Variants in TMC8 observed in about 807,000 individuals in gnomAD.
The protein encoded by TMC8 is transmembrane channel like 8.
A neutral mutation model predicts 76.0 loss-of-function variants in TMC8; 71 were observed. The observed-to-expected ratio is 0.93, with a 90% confidence interval of 0.77 to 1.14. The LOEUF (loss-of-function observed/expected upper bound fraction) is 1.14, where lower values mean the gene tolerates loss of function less well. Ranked by LOEUF, TMC8 falls within the 50% of genes most tolerant of loss-of-function variation. TMC8 has a pLI of 0.00. For synonymous variants in TMC8, 433 were observed against 433.8 expected, an observed-to-expected ratio of 1.00 and a Z score of 0.02; for missense variants, 924 against 947.9, an observed-to-expected ratio of 0.97 and a Z score of 0.33.
In TMC8 at chr17:78,134,404, A is replaced by G. The variant is rs751943470; in HGVS notation, c.827A>G (p.Glu276Gly). The G allele has an allele frequency of 1.2e-5, 20 of 1,611,612 alleles. No individual in the cohort carries two copies. Among genetic ancestry groups the G allele is most frequent in the Non-Finnish European group, 1.7e-5 (20 of 1,180,004 alleles). The change falls in exon 8 of 16, where the codon GAG (glutamate) becomes GGG (glycine). Residue 276 changes from glutamate (E) to glycine (G), a missense_variant. Glu to Gly is a moderately conservative substitution (Grantham distance 98). Transcript: ENST00000318430. ...EISNEFKVEL[E>G]EGRRFQLMQQ... ...CACCCTTCCGGGCAGGTGGAGCTGGAGGAGGGCCGTCGCTTCCAGCTGATG... is the reference window on the plus strand; with the variant it reads ...CACCCTTCCGGGCAGGTGGAGCTGGGGGAGGGCCGTCGCTTCCAGCTGATG...
Position 78,142,202 on chromosome 17 carries a change from A to G in TMC8, c.*1090A>G, listed in dbSNP as rs972937083. The G allele has an allele frequency of 6.6e-6, 1 of 152,162 alleles. No individual in the cohort carries two copies. The highest frequency in any genetic ancestry group is 1.5e-5 in the Non-Finnish European group (1 of 68,046). 9.4% of individuals were successfully genotyped at this position (152,162 alleles called of 1,614,324 possible). A position where few individuals can be genotyped will look rare whatever the true frequency, so the allele number is the denominator to read the frequency against. Reference sequence around the variant, plus strand: ...GGAGAACACCTGAGTAGCTGCTACAAGCTGGCCACAGCCCAGCGACTCTGA... The same window carrying G: ...GGAGAACACCTGAGTAGCTGCTACAGGCTGGCCACAGCCCAGCGACTCTGA... On this transcript the variant is annotated 3_prime_UTR_variant, in exon 16 of 16. Transcript: ENST00000318430.
rs1043602052 is a variant in TMC8, at chr17:78,141,230, C to G, written c.*118C>G. ...TGGCTCCAGGGCCTCCCTCAGAGGT[C>G]CCCAAAGATGGACACACAACCCCAG... On this transcript the variant is annotated 3_prime_UTR_variant, in exon 16 of 16. Transcript: ENST00000318430. 4.9e-5 allele frequency: 23 copies of G among 469,854 alleles called. 1 individual carries two copies. The highest frequency in any genetic ancestry group is 4.3e-4 in the Admixed American group (11 of 25,672). 29.1% of individuals were successfully genotyped at this position (469,854 alleles called of 1,614,324 possible).
At position 78,131,430 on chromosome 17, in the gene TMC8, A is replaced by T; in HGVS notation, c.-159A>T. ...GGCAAGTGAACCCTAGGGCTGCAGG[A>T]GCCCAGGCCCCGACGCCGGCGCAGA... is the stretch of plus-strand genomic sequence containing the variant. On this transcript the variant is annotated 5_prime_UTR_variant, in exon 2 of 16. Coordinates refer to ENST00000318430, the MANE Select transcript of TMC8 (RefSeq NM_152468.5). 1.0e-6 allele frequency: 1 copy of T among 1,004,804 alleles called. No individual in the cohort carries two copies. Among genetic ancestry groups the T allele is most frequent in the South Asian group, 1.4e-5 (1 of 69,376 alleles). 62.2% of individuals were successfully genotyped at this position (1,004,804 alleles called of 1,614,324 possible).
At chr17:78,133,590 T>C in intron 6 of TMC8, 48 bp downstream of exon 6, 1 of 1,603,658 alleles carries the variant, frequency 6.2e-7, no homozygotes, top group Non-Finnish European at 8.5e-7. Flanking sequence ...GAATCTTCCC[T>C]GATCACCCCT....
At chr17:78,140,702 G>A (rs906587346) in intron 15 of TMC8, 132 bp from the exon 16 acceptor site, 3 of 1,274,876 alleles carry the variant, frequency 2.4e-6, no homozygotes, top group Non-Finnish European at 3.3e-6. Context: ...GCGTGGCCTC[G>A]GGCGGGGCGT....
intron 14 of TMC8, 21 bp downstream of exon 14, chr17:78,138,753 C>T: frequency 6.2e-7 from 1 of 1,602,258 alleles, no homozygotes; most frequent in Non-Finnish European, 8.5e-7. Context: ...CAGCCGGGGC[C>T]ATGGGAGGGG....
At chr17:78,140,690 G>A in intron 15 of TMC8, 144 bp from the exon 16 acceptor site, 1 of 1,151,606 alleles carries the variant, frequency 8.7e-7, no homozygotes, top group Non-Finnish European at 1.2e-6. Flanking sequence ...GCCTCGAGCG[G>A]GGCGTGGCCT....
Position 78,131,474 on chromosome 17 carries a change from C to A in TMC8, c.-115C>A. ...GCGCAGAGGGGACGGAAGGGCCCGC[C>A]CCCAGCCCAGCGTGCACAGAGGCCA... On this transcript the variant is annotated 5_prime_UTR_variant, in exon 2 of 16. Coordinates refer to ENST00000318430, the MANE Select transcript of TMC8 (RefSeq NM_152468.5). 1.4e-6 allele frequency: 2 copies of A among 1,445,310 alleles called. No homozygotes were observed. Among genetic ancestry groups the A allele is most frequent in the Non-Finnish European group, 1.9e-6 (2 of 1,067,506 alleles). The allele number at this position is 1,445,310 out of a possible 1,614,324, so 89.5% of individuals were successfully genotyped here.
intron 6 of TMC8, 121 bp from the exon 7 acceptor site, chr17:78,133,732 C>T (rs984673129): frequency 1.5e-5 from 23 of 1,549,972 alleles, no homozygotes; most frequent in Non-Finnish European, 1.8e-6. Context: ...CCCGACTCCT[C>T]ACTCACCAGG....
Position 78,138,151 on chromosome 17 carries a change from AT to A in TMC8, c.1497del (p.Asn499LysfsTer17). 6.2e-7 allele frequency: 1 copy of A among 1,613,898 alleles called. No individual in the cohort carries two copies. The highest frequency in any genetic ancestry group is 2.2e-5 in the East Asian group (1 of 44,868). On this transcript the variant is annotated frameshift_variant, in exon 12 of 16. Transcript: ENST00000318430. LOFTEE classifies it high-confidence loss of function. ...LFYCPLLPLL[N>X]SVFLFLTFYI... Reference sequence around the variant, plus strand: ...TACTGCCCCCTGCTGCCCCTGCTGAATAGCGTCTTCCTCTTCCTCACCTTCT... The same window carrying A: ...TACTGCCCCCTGCTGCCCCTGCTGAAAGCGTCTTCCTCTTCCTCACCTTCT...
At chr17:78,133,681 C>T in intron 6 of TMC8, 139 bp downstream of exon 6, 1 of 1,539,298 alleles carries the variant, frequency 6.5e-7, no homozygotes, top group African/African-American at 1.4e-5. Flanking sequence ...TCAGCCCAGG[C>T]TCTGGCCGCA....
chr17:78,133,632 A>G lies in TMC8; in HGVS notation c.668+90A>G, dbSNP rs532224259. The stretch of plus-strand genomic sequence containing the variant: ...GCAGGGTACCCTCCCATTGGCAGGA[A>G]GGCCCATGGCCCGGCACAGCAGGCT... On this transcript the variant is annotated intron_variant, in intron 6 of 15. Transcript: ENST00000318430. The G allele has an allele frequency of 1.6e-5, 25 of 1,590,768 alleles. No individual in the cohort carries two copies. The East Asian group carries it at 4.7e-4, about 30-fold the overall frequency.
chr17:78,132,476 G>C lies in TMC8; in HGVS notation c.416G>C (p.Arg139Pro). ...GTGCTGCTGCCCCTGGTCTGGCTCC[G>C]CCCCCCTGACCCAGGCCCCACCCTG... ...SFVLLPLVWL[R>P]PPDPGPTLNL... The change falls in exon 4 of 16, where the codon CGC (arginine) becomes CCC (proline). Residue 139 changes from arginine to proline, a missense_variant. By Grantham distance (103) the Arg-to-Pro change is moderately radical. Transcript: ENST00000318430. 1 of 1,611,508 alleles carries C rather than the reference G, an allele frequency of 6.2e-7. No individual in the cohort carries two copies. The highest frequency in any genetic ancestry group is 8.5e-7 in the Non-Finnish European group (1 of 1,179,282).
chr17:78,133,978 A>G lies in TMC8; in HGVS notation c.794A>G (p.His265Arg). 2 of 1,613,804 alleles carry G rather than the reference A, an allele frequency of 1.2e-6. No individual in the cohort carries two copies. The highest frequency in any genetic ancestry group is 1.7e-6 in the Non-Finnish European group (2 of 1,180,048). Residue 265 changes from histidine (H) to arginine (R), a missense_variant, in exon 7 of 16, where the codon CAT becomes CGT. By Grantham distance (29) the His-to-Arg change is conservative. Transcript: ENST00000318430. ...CAGGAAGCAGCCACCATCAAGAAGC[A>G]TGAGATCAGCAACGAGTTCAAGGTG... Reference protein sequence around the residue: ...RVQEAATIKKHEISNEFKVEL... With the variant: ...RVQEAATIKKREISNEFKVEL...
rs1486018485 is a variant in TMC8, at chr17:78,142,343, G to C, written c.*1231G>C. On this transcript the variant is annotated 3_prime_UTR_variant, in exon 16 of 16. Coordinates refer to ENST00000318430, the MANE Select transcript of TMC8 (RefSeq NM_152468.5). ...CAGGAGGGAAGGTCAGAAGTCCCAG[G>C]ATGCACTTGAAAAGCCTCTAGCTCC... 6.6e-6 allele frequency: 1 copy of C among 152,228 alleles called. No homozygotes were observed. Among genetic ancestry groups the C allele is most frequent in the Non-Finnish European group, 1.5e-5 (1 of 68,044 alleles). The allele number at this position is 152,228 out of a possible 1,614,324, so 9.4% of individuals were successfully genotyped here.
At chr17:78,137,124 G>C (rs2075253358) in intron 9 of TMC8, 111 bp from the exon 10 acceptor site, 3 of 1,525,572 alleles carry the variant, frequency 2.0e-6, no homozygotes, top group African/African-American at 1.4e-5. Flanking sequence ...AAGGAGGCTG[G>C]GCCCAGGACA....
chr17:78,138,214 GGGGTTCGT>G (rs765881535), intron 12 of TMC8, 26 bp downstream of exon 12: 4 of 1,613,446 alleles, frequency 2.5e-6, no homozygotes, highest in Non-Finnish European at 3.4e-6. Flanking sequence ...TGGGGGGTAT[GGGGTTCGT>G]GCCTCTGGGT....
At chr17:78,132,305 G>GCGGCCCCAGCCC (rs1420635193) in intron 3 of TMC8, 54 bp from the exon 4 acceptor site, 1 of 1,602,076 alleles carries the variant, frequency 6.2e-7, no homozygotes, top group East Asian at 2.2e-5. Context: ...GACTCTCAGC[G>GCGGCCCCAGCCC]CGGCCCCAGC....
intron 15 of TMC8, among the ~76,000 whole-genome samples, chr17:78,139,740 A>AC (rs1567807201): frequency 1.3e-5 from 2 of 150,586 alleles, no homozygotes; most frequent in East Asian, 1.9e-4. Context: ...AAAAAAAAAA[A>AC]AAAAAAAAAA....
Sources: gnomAD v4.1 joint callset for allele counts (sites outside exome capture counted in the v4.1 genomes callset) on GRCh38, gnomAD v4.1.1 for gene constraint, MANE v1.5 for transcripts, NCBI Gene and HGNC (gene_info 2026-07-23, HGNC 2026-07-21) for gene names.